OR7E24: variants seen among roughly 807,000 people sequenced by gnomAD.
OR7E24 encodes the protein olfactory receptor family 7 subfamily E member 24.
For missense variants in OR7E24, 385 were observed against 410.3 expected, an observed-to-expected ratio of 0.94 and a Z score of 0.53; for synonymous variants, 130 against 157.5, an observed-to-expected ratio of 0.83 and a Z score of 1.31.
chr19:9,235,835 C>T, the OR7E24 span: 1 of 1,610,392 alleles, frequency 6.2e-7, no homozygotes, highest in Non-Finnish European at 8.5e-7. Flanking sequence ...ATGTCCTCCA[C>T]CGAGGGCAAG....
chr19:9,224,461 A>T, the OR7E24 span, among the ~76,000 whole-genome samples: 3 of 152,076 alleles, frequency 2.0e-5, no homozygotes, highest in Non-Finnish European at 4.4e-5. Context: ...TTTCCCACTA[A>T]GAGATTCCAT....
upstream of OR7E24, chr19:9,247,550 T>G: frequency 2.5e-6 from 1 of 398,722 alleles, no homozygotes; most frequent in South Asian, 1.3e-4. Flanking sequence ...GAGCCTTGTT[T>G]CCTCATCCTC....
chr19:9,237,101 T>G, the OR7E24 span, among the ~76,000 whole-genome samples: 1 of 152,146 alleles, frequency 6.6e-6, no homozygotes, highest in Non-Finnish European at 1.5e-5. Flanking sequence ...AAAGCTGGGA[T>G]CTAGATTCAC....
the OR7E24 span, chr19:9,214,891 A>T: frequency 3.9e-6 from 4 of 1,037,688 alleles, no homozygotes; most frequent in Admixed American, 2.1e-5. Flanking sequence ...AATGAACAGC[A>T]AGTGGCAGCT....
the OR7E24 span, chr19:9,236,086 T>G: frequency 0.097 from 136,070 of 1,409,334 alleles, 10,805 homozygotes; most frequent in African/African-American, 0.4. Flanking sequence ...TCTCTTACGG[T>G]ACACAACCTC....
chr19:9,220,887 T>C, the OR7E24 span, among the ~76,000 whole-genome samples: 30 of 152,348 alleles, frequency 2.0e-4, no homozygotes, highest in African/African-American at 7.2e-4. Context: ...TCTTTTGTCT[T>C]TTTAGTAATA....
the OR7E24 span, among the ~76,000 whole-genome samples, chr19:9,239,465 A>G: frequency 1.3e-5 from 2 of 151,602 alleles, no homozygotes; most frequent in African/African-American, 2.4e-5. Context: ...GCCACCGCAC[A>G]TGGCCAACAG....
At chr19:9,243,632 T>C (rs2144933943), upstream of OR7E24, among the ~76,000 whole-genome samples, 1 of 152,276 alleles carries the variant, frequency 6.6e-6, no homozygotes, top group East Asian at 1.9e-4. Context: ...AATACAGGCT[T>C]AGCTTTCTGA....
the OR7E24 span, chr19:9,212,178 ATT>A: frequency 1.3e-5 from 2 of 152,142 alleles, no homozygotes; most frequent in Non-Finnish European, 2.9e-5. Flanking sequence ...TCCCTCAACT[ATT>A]TATCTTTAGA....
the OR7E24 span, chr19:9,213,995 G>A: frequency 1.9e-6 from 3 of 1,614,118 alleles, no homozygotes; most frequent in Non-Finnish European, 2.5e-6. Context: ...GCATGGGGGT[G>A]ACCATGGCGT....
the OR7E24 span, among the ~76,000 whole-genome samples, chr19:9,239,484 C>T: frequency 6.6e-6 from 1 of 151,798 alleles, no homozygotes; most frequent in African/African-American, 2.4e-5. Flanking sequence ...AGTTCAACTT[C>T]TTGATAACAG....
chr19:9,234,367 C>T, the OR7E24 span, among the ~76,000 whole-genome samples: 8 of 152,080 alleles, frequency 5.3e-5, no homozygotes, highest in Non-Finnish European at 1.2e-4. Context: ...TTAATAATAT[C>T]GACAGCTATC....
Position 9,250,998 on chromosome 19 carries a change from T to G in OR7E24, c.-46T>G. On this transcript the variant is annotated 5_prime_UTR_variant, in exon 1 of 1. It adds an upstream start codon to the 5' untranslated region. Transcript: ENST00000456448. ...CTATGTGAAAACTTAATTTCTTAAT[T>G]GCTTGTATCCAAAATATAGACACAG... 2 of 1,390,128 alleles carry G rather than the reference T, an allele frequency of 1.4e-6. No individual in the cohort carries two copies. Among genetic ancestry groups the G allele is most frequent in the Non-Finnish European group, 1.9e-6 (2 of 1,034,884 alleles). The allele number at this position is 1,390,128 out of a possible 1,614,324, so 86.1% of individuals were successfully genotyped here.
the OR7E24 span, chr19:9,206,886 G>T: frequency 1.3e-5 from 2 of 152,284 alleles, no homozygotes; most frequent in East Asian, 3.9e-4. Context: ...CTCACCTGGG[G>T]AGCTTACAAA....
At chr19:9,227,839 C>T in the OR7E24 span, among the ~76,000 whole-genome samples, 7 of 147,514 alleles carry the variant, frequency 4.7e-5, no homozygotes, top group Non-Finnish European at 7.5e-5. Flanking sequence ...CTGCAAGCTC[C>T]GCCTCCCGGG....
upstream of OR7E24, among the ~76,000 whole-genome samples, chr19:9,242,588 T>G (rs1170768026): frequency 3.3e-5 from 5 of 152,188 alleles, no homozygotes; most frequent in Non-Finnish European, 7.4e-5. Context: ...CTCATTCACC[T>G]TGTTCCACAA....
At chr19:9,250,902 A>C, upstream of OR7E24, 2 of 640,380 alleles carry the variant, frequency 3.1e-6, no homozygotes, top group South Asian at 4.2e-5. Flanking sequence ...ATAACACAAA[A>C]TCAATTATGA....
the OR7E24 span, chr19:9,214,139 G>A: frequency 1.2e-6 from 2 of 1,614,086 alleles, no homozygotes; most frequent in Non-Finnish European, 1.7e-6. Context: ...CTTTGTACTT[G>A]CCCTTGGTGG....
chr19:9,225,407 A>C, the OR7E24 span, among the ~76,000 whole-genome samples: 1 of 137,862 alleles, frequency 7.3e-6, no homozygotes. Flanking sequence ...AAGGAAGGGA[A>C]GGAGGGGAAG....
Sources: allele counts gnomAD v4.1 joint callset (sites outside exome capture counted in the v4.1 genomes callset), GRCh38; gene constraint gnomAD v4.1.1; transcripts MANE v1.5; gene names NCBI Gene and HGNC (gene_info 2026-07-23, HGNC 2026-07-21).